MAST1: variants seen among roughly 807,000 people sequenced by gnomAD.
The protein encoded by MAST1 is microtubule associated serine/threonine kinase 1, also known as microtubule-associated serine/threonine-protein kinase 1.
Under a neutral mutation model 124.6 loss-of-function variants are expected in MAST1, and 40 were observed. The ratio of observed to expected loss-of-function variants is 0.32; its 90% confidence interval spans 0.25 to 0.42. MAST1 has a LOEUF of 0.42. Ranked by LOEUF, MAST1 falls within the 10% of genes least tolerant of loss-of-function variation. The pLI is 1.00. For missense variants in MAST1, 1,558 were observed against 2,181.9 expected (o/e 0.71, Z 5.70); for synonymous variants, 938 against 939.4 (o/e 1.00, Z 0.03).
intron 10 of MAST1, among the ~76,000 whole-genome samples, chr19:12,854,711 G>T (rs1568410380): frequency 6.6e-6 from 1 of 152,160 alleles, no homozygotes; most frequent in Non-Finnish European, 1.5e-5. Context: ...ACGTCTAGAG[G>T]TGGAATTTCT....
At chr19:12,859,977 C>G (rs1970060205) in intron 12 of MAST1, among the ~76,000 whole-genome samples, 1 of 151,928 alleles carries the variant, frequency 6.6e-6, no homozygotes, top group Non-Finnish European at 1.5e-5. Flanking sequence ...CCTGGGATTA[C>G]AGGCACGAGC....
chr19:12,873,272 C>T (rs552717586), intron 24 of MAST1, 52 bp from the exon 25 acceptor site: 3 of 1,569,956 alleles, frequency 1.9e-6, no homozygotes, highest in Middle Eastern at 1.7e-4. Context: ...GGGAGGAGCC[C>T]TGAGCTCTGG....
At position 12,843,754 on chromosome 19, in the gene MAST1, AC is replaced by A. The variant is rs1969858951; in HGVS notation, c.327+148del. On this transcript the variant is annotated intron_variant, in intron 4 of 25. Transcript: ENST00000251472. The surrounding 1 kb of genome is among the most constrained non-coding windows in gnomAD (Gnocchi z 4.9). ...AGTGACTCAAGCCTGTAATCCCAGT[AC>A]TTTGGGAGGCCAAGACAGAAGGATT... 6 of 667,094 alleles carry A rather than the reference AC, an allele frequency of 9.0e-6. No homozygotes were observed. The highest frequency in any genetic ancestry group is 1.5e-5 in the Non-Finnish European group (6 of 396,352). 41.3% of individuals were successfully genotyped at this position (667,094 alleles called of 1,614,324 possible).
At chr19:12,869,908 G>A (rs1174697943) in intron 22 of MAST1, among the ~76,000 whole-genome samples, 5 of 151,832 alleles carry the variant, frequency 3.3e-5, no homozygotes, top group Non-Finnish European at 7.4e-5. Context: ...CAAAAATTGG[G>A]CCGAGCGCGG....
intron 4 of MAST1, among the ~76,000 whole-genome samples, chr19:12,846,548 G>A (rs901023683): frequency 9.2e-5 from 14 of 152,000 alleles, no homozygotes; most frequent in African/African-American, 3.4e-4. Flanking sequence ...AAGGCCCTGA[G>A]GAAGGAGCTT....
chr19:12,839,446 C>T (rs1969800925), intron 1 of MAST1, among the ~76,000 whole-genome samples: 1 of 152,228 alleles, frequency 6.6e-6, no homozygotes, highest in Non-Finnish European at 1.5e-5. Context: ...CCAAGAATGT[C>T]ACAACACACG....
At position 12,847,629 on chromosome 19, in the gene MAST1, C is replaced by T. The variant is rs777539503; in HGVS notation, c.506C>T (p.Ser169Phe). The change falls in exon 6 of 26, where the codon TCC becomes TTC. Residue 169 changes from serine (S) to phenylalanine (F), a missense_variant. Ser to Phe is a radical substitution (Grantham distance 155). Around this residue, in one of 10 missense-constraint regions of MAST1, gnomAD observed 165 missense variants for 315.3 expected, o/e 0.52. Coordinates refer to ENST00000251472, the MANE Select transcript of MAST1 (RefSeq NM_014975.3). This position sits in a 1 kb window ranked among gnomAD's most constrained non-coding sequence, Gnocchi z 5.5. ...SRSLSPGRSP[S>F]SYDNEIVMMN... ...CCCCGCAGCCCCGGGCGCTCCCCCT[C>T]CTCCTACGACAACGAGATCGTGATG... 3.7e-6 allele frequency: 6 copies of T among 1,614,046 alleles called. No individual in the cohort carries two copies. In the South Asian group the frequency reaches 4.4e-5, roughly 12 times the overall value.
At chr19:12,858,806 C>T (rs1168604802) in intron 12 of MAST1, 67 bp downstream of exon 12, 1 of 1,514,270 alleles carries the variant, frequency 6.6e-7, no homozygotes, top group South Asian at 1.1e-5. Context: ...GCGGGGTGGC[C>T]TGCCTGAGCC....
At chr19:12,862,930 G>T (rs574318004) in intron 12 of MAST1, among the ~76,000 whole-genome samples, 3 of 151,814 alleles carry the variant, frequency 2.0e-5, no homozygotes, top group African/African-American at 7.2e-5. Context: ...GCTTCCCAAA[G>T]TGTTGGGATT....
At chr19:12,857,746 G>T (rs993366485) in intron 10 of MAST1, among the ~76,000 whole-genome samples, 2 of 152,178 alleles carry the variant, frequency 1.3e-5, no homozygotes, top group African/African-American at 2.4e-5. Flanking sequence ...CTGTAACTCT[G>T]GCTGGGTACA....
At position 12,847,564 on chromosome 19, in the gene MAST1, C is replaced by A. The variant is rs777415902; in HGVS notation, c.489-48C>A. 3 of 1,613,312 alleles carry A rather than the reference C, an allele frequency of 1.9e-6. No homozygotes were observed. Among genetic ancestry groups the A allele is most frequent in the African/African-American group, 1.3e-5 (1 of 75,006 alleles). On this transcript the variant is annotated intron_variant, in intron 5 of 25. Transcript: ENST00000251472. The surrounding 1 kb of genome is among the most constrained non-coding windows in gnomAD (Gnocchi z 5.5). ...TACATCTTGGGGCGGGGGCTCTCTG[C>A]GGGCTTGGAGGCAGAGGACTCGACA...
rs1370677816 is a variant in MAST1, at chr19:12,843,486, C to T, written c.249-43C>T. On this transcript the variant is annotated intron_variant, in intron 3 of 25. Coordinates refer to ENST00000251472, the MANE Select transcript of MAST1 (RefSeq NM_014975.3). The surrounding 1 kb of genome is among the most constrained non-coding windows in gnomAD (Gnocchi z 4.9). ...CCCACACCCTGAGGAGTTGGGGGAC[C>T]GCTGGGGCCTTGTGGCCTCTGAGCA... The T allele has an allele frequency of 3.9e-6, 6 of 1,550,794 alleles. No individual in the cohort carries two copies. Among genetic ancestry groups the T allele is most frequent in the East Asian group, 2.2e-5 (1 of 44,504 alleles).
rs1488313968 is a variant in MAST1, at chr19:12,874,203, G to A, written c.4046G>A (p.Gly1349Asp). ...SLGADPLLPE[G>D]ASRPPVSSKE... is the part of the protein sequence containing the mutation. ...GGCGCGGACCCGTTGCTGCCCGAGG[G>A]TGCCTCCAGGCCACCAGTGTCGAGC... is the stretch of plus-strand genomic sequence containing the variant. The change falls in exon 26 of 26, where the codon GGT becomes GAT. Residue 1349 changes from glycine to aspartate, a missense_variant. Transcript: ENST00000251472. The surrounding 1 kb of genome is among the most constrained non-coding windows in gnomAD (Gnocchi z 6.6). 4.5e-6 allele frequency: 7 copies of A among 1,544,016 alleles called. No individual in the cohort carries two copies. The South Asian group carries it at 5.9e-5, about 13-fold the overall frequency.
At chr19:12,858,893 T>C (rs1970047797) in intron 12 of MAST1, 154 bp downstream of exon 12, 1 of 699,496 alleles carries the variant, frequency 1.4e-6, no homozygotes, top group South Asian at 1.7e-5. Context: ...TGTCCATCCA[T>C]TCTACCTATA....
chr19:12,872,601 G>A (rs1970249989), intron 24 of MAST1: 1 of 152,540 alleles, frequency 6.6e-6, no homozygotes, highest in Admixed American at 6.6e-5. Context: ...GACTAGAAGA[G>A]GTTGTTTTTG....
rs1485309188 is a variant in MAST1, at chr19:12,866,164, G to C, written c.2029+62G>C. On this transcript the variant is annotated intron_variant, in intron 17 of 25. Coordinates refer to ENST00000251472, the MANE Select transcript of MAST1 (RefSeq NM_014975.3). This position sits in a 1 kb window ranked among gnomAD's most constrained non-coding sequence, Gnocchi z 5.2. ...GTGGGATCCGGGAAGAGGGACCCTG[G>C]GGTAAGTAAAGCCTGGGATAGGGCC... 3 of 1,605,668 alleles carry C rather than the reference G, an allele frequency of 1.9e-6. No homozygotes were observed. Among genetic ancestry groups the C allele is most frequent in the East Asian group, 4.5e-5 (2 of 44,722 alleles).
chr19:12,867,287 C>A (rs954801241), intron 18 of MAST1, among the ~76,000 whole-genome samples, 187 bp from the exon 19 acceptor site: 1 of 152,066 alleles, frequency 6.6e-6, no homozygotes, highest in African/African-American at 2.4e-5. Context: ...GAATAAAACG[C>A]AGTGCCTAAC....
At chr19:12,867,066 G>A (rs1298380849) in intron 18 of MAST1, among the ~76,000 whole-genome samples, 2 of 152,160 alleles carry the variant, frequency 1.3e-5, no homozygotes, top group Non-Finnish European at 2.9e-5. Context: ...CAGCGAAGGC[G>A]GAGTAAAGCC....
At position 12,868,733 on chromosome 19, in the gene MAST1, G is replaced by T. The variant is rs147756237; in HGVS notation, c.2657G>T (p.Arg886Leu). 1.2e-6 allele frequency: 2 copies of T among 1,613,094 alleles called. No homozygotes were observed. Among genetic ancestry groups the T allele is most frequent in the Non-Finnish European group, 1.7e-6 (2 of 1,179,416 alleles). The change falls in exon 21 of 26, where the codon CGG (arginine) becomes CTG (leucine). Residue 886 changes from arginine to leucine, a missense_variant. By Grantham distance (102) the Arg-to-Leu change is moderately radical. This residue lies in a region of MAST1 where 287 missense variants were observed against 308.0 expected (regional missense o/e 0.93). Coordinates refer to ENST00000251472, the MANE Select transcript of MAST1 (RefSeq NM_014975.3). ...PRATNDLVLRRARHQQMSGDV... is the reference protein window; with the variant it reads ...PRATNDLVLRLARHQQMSGDV... ...GCTACCAATGACTTGGTTCTGCGCC[G>T]GGCGCGGCACCAGCAGATGTCAGGG...
Sources: gnomAD v4.1 joint callset for allele counts (sites outside exome capture counted in the v4.1 genomes callset) on GRCh38, gnomAD v4.1.1 for gene constraint, gnomAD v4.1.1 regional missense constraint, Gnocchi (gnomAD v3.1) non-coding constraint, MANE v1.5 for transcripts, NCBI Gene and HGNC (gene_info 2026-07-23, HGNC 2026-07-21) for gene names.